Variants in DZIP1 observed in about 807,000 individuals in gnomAD.
The protein encoded by DZIP1 is DAZ interacting zinc finger protein 1, also known as cilium assembly protein DZIP1.
A neutral mutation model predicts 107.6 loss-of-function variants in DZIP1; 97 were observed. The ratio of observed to expected loss-of-function variants is 0.90; its 90% CI spans 0.77 to 1.07. The LOEUF (loss-of-function observed/expected upper bound fraction) is 1.07. Among genes scored for constraint, DZIP1 ranks in the 50% least tolerant of loss-of-function variants. The pLI, the probability that DZIP1 is intolerant of heterozygous loss-of-function variation, is 0.00. For synonymous variants in DZIP1, 390 were observed against 386.4 expected (o/e 1.01, Z -0.11); for missense variants, 1,035 against 1,063.6 (o/e 0.97, Z 0.37).
At chr13:95,621,632 T>C (rs1875857343) in intron 9 of DZIP1, among the ~76,000 whole-genome samples, 1 of 151,526 alleles carries the variant, frequency 6.6e-6, no homozygotes, top group African/African-American at 2.4e-5. Context: ...TTATGTTTGA[T>C]AAATGTAACA....
intron 6 of DZIP1, among the ~76,000 whole-genome samples, chr13:95,631,969 C>T (rs186449153): frequency 2.0e-4 from 30 of 152,296 alleles, no homozygotes; most frequent in East Asian, 5.8e-4. Context: ...TGTACCTCAG[C>T]GGCATTTGAT....
intron 19 of DZIP1, among the ~76,000 whole-genome samples, chr13:95,588,663 A>T (rs2044229332): frequency 6.6e-6 from 1 of 152,212 alleles, no homozygotes; most frequent in Admixed American, 6.5e-5. Flanking sequence ...TTAAAACAGT[A>T]ATCAACTAAA....
intron 14 of DZIP1, among the ~76,000 whole-genome samples, chr13:95,602,164 A>G (rs926807937): frequency 1.3e-5 from 2 of 151,602 alleles, no homozygotes; most frequent in Non-Finnish European, 2.9e-5. Context: ...CCCTCAACCA[A>G]CCTCACTTCC....
chr13:95,623,796 G>C (rs1157291945), intron 8 of DZIP1, among the ~76,000 whole-genome samples: 1 of 152,118 alleles, frequency 6.6e-6, no homozygotes, highest in Non-Finnish European at 1.5e-5. Context: ...AAAATTAGCT[G>C]GGTGTGGTGG....
At chr13:95,633,170 T>C in intron 6 of DZIP1, 64 bp downstream of exon 6, 1 of 1,443,924 alleles carries the variant, frequency 6.9e-7, no homozygotes. Context: ...CTGGACCAAG[T>C]CTCATTGCCA....
intron 7 of DZIP1, among the ~76,000 whole-genome samples, chr13:95,629,410 T>C (rs1876931661): frequency 6.6e-6 from 1 of 152,044 alleles, no homozygotes; most frequent in Admixed American, 6.6e-5. Flanking sequence ...AAGGGTCACA[T>C]AGATGAGAAA....
chr13:95,584,809 C>T lies in DZIP1; in HGVS notation c.2451G>A (p.Ala817=), dbSNP rs758835591. Residue 817 remains alanine, a synonymous_variant, in exon 22 of 23, where the codon GCG becomes GCA. Transcript: ENST00000376829. ...CATGAGCAAAATGTGGTTCATTTTT[C>T]GCAGGTGGAGGTTCCTTCTGTTCTT... ...SGKEQKEPPP[A]KNEPHFAHVL... is the part of the protein sequence containing the mutation. 3.7e-5 allele frequency: 59 copies of T among 1,613,952 alleles called. No homozygotes were observed. Among genetic ancestry groups the T allele is most frequent in the South Asian group, 2.7e-4 (25 of 91,076 alleles).
intron 7 of DZIP1, among the ~76,000 whole-genome samples, chr13:95,626,656 TAAAC>T (rs1365164946): frequency 6.6e-6 from 1 of 152,080 alleles, no homozygotes; most frequent in Non-Finnish European, 1.5e-5. Context: ...ACTAAAGTAA[TAAAC>T]AAATTCAGCA....
intron 5 of DZIP1, among the ~76,000 whole-genome samples, chr13:95,638,471 C>G (rs1406398800): frequency 6.6e-6 from 1 of 152,086 alleles, no homozygotes; most frequent in Non-Finnish European, 1.5e-5. Context: ...TATAATATTT[C>G]AGTACTAATT....
chr13:95,632,898 C>G (rs1230107712), intron 6 of DZIP1, among the ~76,000 whole-genome samples: 1 of 152,166 alleles, frequency 6.6e-6, no homozygotes. Context: ...ACCCCATTGT[C>G]CTGCGCTATG....
intron 5 of DZIP1, among the ~76,000 whole-genome samples, chr13:95,639,855 A>G (rs1296768452): frequency 6.6e-6 from 1 of 152,174 alleles, no homozygotes; most frequent in Non-Finnish European, 1.5e-5. Flanking sequence ...TTAATTTTTA[A>G]GCAGCATTTA....
At position 95,581,325 on chromosome 13, in the gene DZIP1, T is replaced by A. The variant is rs865793383; in HGVS notation, c.*909A>T. On this transcript the variant is annotated 3_prime_UTR_variant, in exon 23 of 23. Coordinates refer to ENST00000376829, the MANE Select transcript of DZIP1 (RefSeq NM_198968.4). ...CTTTTGAGGTATTTCATAATACATG[T>A]TGGGTATTTTAAATAGTAAAAAAAA... 3.9e-5 allele frequency: 6 copies of A among 152,656 alleles called. No homozygotes were observed. The highest frequency in any genetic ancestry group is 1.4e-4 in the African/African-American group (6 of 41,462). The allele number at this position is 152,656 out of a possible 1,614,324, so 9.5% of individuals were successfully genotyped here.
chr13:95,594,279 G>A (rs922399488), intron 15 of DZIP1, among the ~76,000 whole-genome samples, 193 bp from the exon 16 acceptor site: 6 of 152,146 alleles, frequency 3.9e-5, no homozygotes, highest in Non-Finnish European at 2.9e-5. Flanking sequence ...ACTATTTTAT[G>A]TCGGCTTCAA....
Position 95,641,341 on chromosome 13 carries a change from A to G in DZIP1, c.551T>C (p.Ile184Thr). The stretch of plus-strand genomic sequence containing the variant: ...CTCGATCATCAGCTGCTGGGTGGAG[A>G]TCATCTTCTTCCGGCGTTTGCACTC... ...KEECKRRKKM[I>T]STQQLMIEAK... Residue 184 changes from isoleucine (I) to threonine (T), a missense_variant, in exon 5 of 23, where the codon ATC becomes ACC. Physicochemically the swap from Ile to Thr is moderately conservative, Grantham distance 89. Transcript: ENST00000376829. This position sits in a 1 kb window ranked among gnomAD's most constrained non-coding sequence, Gnocchi z 4.3. 1 of 1,609,764 alleles carries G rather than the reference A, an allele frequency of 6.2e-7. No homozygotes were observed. The highest frequency in any genetic ancestry group is 8.5e-7 in the Non-Finnish European group (1 of 1,176,562).
chr13:95,600,000 A>C (rs982745940), intron 14 of DZIP1, among the ~76,000 whole-genome samples: 1 of 152,196 alleles, frequency 6.6e-6, no homozygotes, highest in Non-Finnish European at 1.5e-5. Flanking sequence ...AGAATGCCCT[A>C]GCCCCACAGC....
At chr13:95,628,585 T>C (rs1446716524) in intron 7 of DZIP1, among the ~76,000 whole-genome samples, 1 of 152,174 alleles carries the variant, frequency 6.6e-6, no homozygotes, top group Non-Finnish European at 1.5e-5. Context: ...TATACCCTTG[T>C]TCATAGCAGC....
chr13:95,606,484 T>C (rs890072828), intron 13 of DZIP1, among the ~76,000 whole-genome samples: 1 of 152,232 alleles, frequency 6.6e-6, no homozygotes. Flanking sequence ...AATGCAATCA[T>C]ACAGTATGTG....
In DZIP1 at chr13:95,617,177, G is replaced by A. The variant is rs145882487; in HGVS notation, c.1173+2708C>T. Among the ~76,000 whole-genome samples, 915 of 151,720 alleles carry A rather than the reference G, an allele frequency of 6.0e-3. 4 individuals carry two copies. The highest frequency in any genetic ancestry group is 9.5e-3 in the Non-Finnish European group (644 of 67,872). ...AGATGGCATCACTGCACTCCAGCCC[G>A]TGCAACAGAGTGAGACTCTGTCTCA... On this transcript the variant is annotated intron_variant, in intron 10 of 22. Coordinates refer to ENST00000376829, the MANE Select transcript of DZIP1 (RefSeq NM_198968.4).
chr13:95,631,727 T>C (rs983572191), intron 6 of DZIP1, among the ~76,000 whole-genome samples: 51 of 152,118 alleles, frequency 3.4e-4, no homozygotes, highest in Admixed American at 1.6e-3. Flanking sequence ...TGAAACAAAG[T>C]TGTCCCTGGG....
Sources: allele counts gnomAD v4.1 joint callset (sites outside exome capture counted in the v4.1 genomes callset), GRCh38; gene constraint gnomAD v4.1.1; non-coding constraint Gnocchi (gnomAD v3.1); transcripts MANE v1.5; gene names NCBI Gene and HGNC (gene_info 2026-07-23, HGNC 2026-07-21).